MSH4: variants seen among roughly 807,000 people sequenced by gnomAD.
MSH4 encodes the protein mutS protein homolog 4.
MSH4 carries 106 observed loss-of-function variants against 113.7 expected under a neutral mutation model. The ratio of observed to expected loss-of-function variants is 0.93; its 90% confidence interval spans 0.80 to 1.10. MSH4 has a LOEUF of 1.10. Among genes scored for constraint, MSH4 ranks in the 50% least tolerant of loss-of-function variants. The pLI is 0.00. For missense variants in MSH4, 1,061 were observed against 1,093.7 expected (o/e 0.97, Z 0.42); for synonymous variants, 368 against 380.2 (o/e 0.97, Z 0.37).
intron 6 of MSH4, among the ~76,000 whole-genome samples, chr1:75,820,527 T>A (rs1313471464): frequency 1.3e-5 from 2 of 152,218 alleles, no homozygotes; most frequent in Non-Finnish European, 2.9e-5. Context: ...GAGATTCAAC[T>A]TCTTCCTGGT....
chr1:75,897,820 A>C (rs2029680), intron 17 of MSH4, 87 bp from the exon 18 acceptor site: 232,283 of 853,404 alleles, frequency 0.27, 33,386 homozygotes, highest in Middle Eastern at 0.36. Flanking sequence ...AGAAAATTAA[A>C]CTAAAATTTT....
intron 7 of MSH4, among the ~76,000 whole-genome samples, chr1:75,844,348 A>G (rs1396813942): frequency 6.6e-6 from 1 of 152,044 alleles, no homozygotes; most frequent in Non-Finnish European, 1.5e-5. Context: ...TTTTTTTGAG[A>G]CAGAGTCTGA....
intron 7 of MSH4, among the ~76,000 whole-genome samples, chr1:75,827,526 A>G (rs996525933): frequency 6.6e-6 from 1 of 152,198 alleles, no homozygotes; most frequent in African/African-American, 2.4e-5. Context: ...TGCCCCAATT[A>G]AAAGACACAG....
chr1:75,876,862 A>G (rs1004870661), intron 9 of MSH4, 74 bp from the exon 10 acceptor site: 2 of 799,162 alleles, frequency 2.5e-6, no homozygotes, highest in African/African-American at 3.6e-5. Flanking sequence ...AAAGTATTAA[A>G]CAACTGTAAA....
intron 8 of MSH4, among the ~76,000 whole-genome samples, chr1:75,867,186 G>A (rs886943929): frequency 9.9e-5 from 15 of 152,102 alleles, no homozygotes; most frequent in African/African-American, 3.6e-4. Flanking sequence ...GCCTTTTTCA[G>A]TTAATCTTAG....
At position 75,797,180 on chromosome 1, in the gene MSH4, C is replaced by A; in HGVS notation, c.195C>A (p.Ser65Arg). ...CAGGAGCTGCGGGCGACCGGAGCAG[C>A]AGCAGCAGCAGCCTTCCCTGCCCCG... ...GTSGAAGDRS[S>R]SSSSLPCPAP... Residue 65 changes from serine (S) to arginine (R), a missense_variant, in exon 1 of 20, where the codon AGC becomes AGA. Ser to Arg is a moderately radical substitution (Grantham distance 110, BLOSUM62 -1). Coordinates refer to ENST00000263187, the MANE Select transcript of MSH4 (RefSeq NM_002440.4). The A allele has an allele frequency of 6.2e-7, 1 of 1,609,368 alleles. No homozygotes were observed. Among genetic ancestry groups the A allele is most frequent in the South Asian group, 1.1e-5 (1 of 90,494 alleles).
chr1:75,828,759 T>C (rs1650613982), intron 7 of MSH4, among the ~76,000 whole-genome samples: 1 of 152,202 alleles, frequency 6.6e-6, no homozygotes, highest in Non-Finnish European at 1.5e-5. Flanking sequence ...TCAAACAATG[T>C]ATCTATGCAA....
chr1:75,897,614 A>T (rs1464813585), intron 17 of MSH4, among the ~76,000 whole-genome samples: 1 of 152,098 alleles, frequency 6.6e-6, no homozygotes, highest in Non-Finnish European at 1.5e-5. Context: ...CATCTTTTCA[A>T]TATCTTCAGA....
Position 75,899,721 on chromosome 1 carries a change from T to A in MSH4, c.2619+15T>A, listed in dbSNP as rs2100589675. 3 of 1,404,242 alleles carry A rather than the reference T, an allele frequency of 2.1e-6. No individual in the cohort carries two copies. The highest frequency in any genetic ancestry group is 2.8e-6 in the Non-Finnish European group (3 of 1,056,852). The allele number at this position is 1,404,242 out of a possible 1,614,324, so 87.0% of individuals were successfully genotyped here. A position where few individuals can be genotyped will look rare whatever the true frequency, so the allele number is the denominator to read the frequency against. On this transcript the variant is annotated intron_variant, in intron 19 of 19. Transcript: ENST00000263187. The stretch of plus-strand genomic sequence containing the variant: ...GACAAATTTTGGTAAGAAACTTTGT[T>A]CTTATTTGTTCTTCAAATTAAAAAA...
At chr1:75,809,991 G>C (rs1253936847) in intron 3 of MSH4, among the ~76,000 whole-genome samples, 1 of 151,886 alleles carries the variant, frequency 6.6e-6, no homozygotes, top group African/African-American at 2.4e-5. Flanking sequence ...TTTTCACAGA[G>C]TATTTGGATA....
chr1:75,846,102 C>CA (rs1651069606), intron 7 of MSH4, among the ~76,000 whole-genome samples: 1 of 98,768 alleles, frequency 1.0e-5, no homozygotes, highest in Non-Finnish European at 2.0e-5. Context: ...AGCAGAGTTC[C>CA]AAGGTGCTGC....
At chr1:75,876,708 A>G (rs1180558823) in intron 9 of MSH4, among the ~76,000 whole-genome samples, 1 of 152,108 alleles carries the variant, frequency 6.6e-6, no homozygotes, top group African/African-American at 2.4e-5. Flanking sequence ...AATAAAATTT[A>G]TAATAAGCAG....
chr1:75,863,441 T>G (rs1479328210), intron 8 of MSH4, among the ~76,000 whole-genome samples: 3 of 152,212 alleles, frequency 2.0e-5, no homozygotes, highest in African/African-American at 7.2e-5. Context: ...TATTATCGCT[T>G]CATTAAAAAA....
intron 10 of MSH4, 74 bp downstream of exon 10, chr1:75,877,074 C>T: frequency 1.0e-6 from 1 of 971,362 alleles, no homozygotes; most frequent in Admixed American, 2.8e-5. Flanking sequence ...TTTAAAGACT[C>T]TAATTGTATT....
intron 8 of MSH4, among the ~76,000 whole-genome samples, chr1:75,864,774 T>C (rs1486485097): frequency 6.6e-6 from 1 of 152,214 alleles, no homozygotes; most frequent in Non-Finnish European, 1.5e-5. Context: ...CTTCCCATTT[T>C]GTAGTTTAAT....
chr1:75,813,106 T>A (rs908739516), intron 4 of MSH4, among the ~76,000 whole-genome samples: 15 of 152,320 alleles, frequency 9.8e-5, no homozygotes, highest in African/African-American at 3.6e-4. Context: ...AAGGCTGATG[T>A]CATCTCAGCT....
At position 75,899,828 on chromosome 1, in the gene MSH4, A is replaced by G. The variant is rs866085406; in HGVS notation, c.2619+122A>G. ...TATAATAATTAAAATATTTAAAATT[A>G]AAACCTAATTTCTAAACAAAGAAAA... On this transcript the variant is annotated intron_variant, in intron 19 of 19. Transcript: ENST00000263187. 9.8e-5 allele frequency: 30 copies of G among 306,104 alleles called. No homozygotes were observed. The South Asian group carries it at 3.2e-3, about 33-fold the overall frequency. 19.0% of individuals were successfully genotyped at this position (306,104 alleles called of 1,614,324 possible).
intron 19 of MSH4, among the ~76,000 whole-genome samples, chr1:75,905,528 T>G (rs1370853549): frequency 6.6e-6 from 1 of 152,164 alleles, no homozygotes; most frequent in Non-Finnish European, 1.5e-5. Context: ...TCTGCAGCAG[T>G]TGGATGAAAT....
chr1:75,824,205 T>C (rs1387318828), intron 7 of MSH4, among the ~76,000 whole-genome samples: 1 of 152,228 alleles, frequency 6.6e-6, no homozygotes, highest in Non-Finnish European at 1.5e-5. Flanking sequence ...GTGGTTTTGA[T>C]TTGCATTTCT....
Sources: allele counts gnomAD v4.1 joint callset (sites outside exome capture counted in the v4.1 genomes callset), GRCh38; gene constraint gnomAD v4.1.1; transcripts MANE v1.5; gene names NCBI Gene and HGNC (gene_info 2026-07-23, HGNC 2026-07-21).